BABAM2: variants seen among roughly 807,000 people sequenced by gnomAD.
BABAM2 encodes BRISC and BRCA1 A complex member 2.
A neutral mutation model predicts 54.7 loss-of-function variants in BABAM2; 31 were observed. The observed-to-expected ratio is 0.57, with a 90% CI of 0.43 to 0.77. The LOEUF (loss-of-function observed/expected upper bound fraction) is 0.77, where lower values mean the gene tolerates loss of function less well. Ranked by LOEUF, BABAM2 falls within the 30% of genes least tolerant of loss-of-function variation. The pLI is 0.00. For synonymous variants in BABAM2, 167 were observed against 162.9 expected, an observed-to-expected ratio of 1.03 and a Z score of -0.19; for missense variants, 364 against 455.8, an observed-to-expected ratio of 0.80 and a Z score of 1.83.
intron 6 of BABAM2, among the ~76,000 whole-genome samples, chr2:28,081,840 C>T (rs889882678): frequency 1.3e-5 from 2 of 152,056 alleles, no homozygotes; most frequent in African/African-American, 2.4e-5. Context: ...GGACATGATA[C>T]GGATAACAAA....
intron 7 of BABAM2, among the ~76,000 whole-genome samples, chr2:28,171,732 A>G (rs1674347884): frequency 6.6e-6 from 1 of 152,120 alleles, no homozygotes; most frequent in African/African-American, 2.4e-5. Context: ...CCAACTCTAT[A>G]TTAATTAATA....
chr2:28,314,275 C>T (rs1006456599), intron 11 of BABAM2, among the ~76,000 whole-genome samples: 2 of 152,152 alleles, frequency 1.3e-5, no homozygotes, highest in East Asian at 1.9e-4. Context: ...ACCTATTTTA[C>T]GGGTTATGAA....
At chr2:28,034,590 G>A (rs1390626075) in intron 5 of BABAM2, among the ~76,000 whole-genome samples, 5 of 152,146 alleles carry the variant, frequency 3.3e-5, no homozygotes, top group South Asian at 2.1e-4. Flanking sequence ...CAGATAAAGT[G>A]TAGAGAGCAA....
intron 10 of BABAM2, among the ~76,000 whole-genome samples, chr2:28,250,065 GAGATGCTGTGAGGAAGATGAGGA>G (rs528217142): frequency 3.3e-5 from 5 of 152,314 alleles, no homozygotes; most frequent in Admixed American, 2.0e-4. Flanking sequence ...GAATAAGAAG[GAGATGCTGTGAGGAAGATGAGGA>G]AGATGCTGTG....
intron 3 of BABAM2, among the ~76,000 whole-genome samples, chr2:27,964,804 T>C (rs1670721816): frequency 6.6e-6 from 1 of 152,220 alleles, no homozygotes; most frequent in Non-Finnish European, 1.5e-5. Flanking sequence ...TTCTCTGTTC[T>C]CAGTTCTGGA....
intron 7 of BABAM2, among the ~76,000 whole-genome samples, chr2:28,132,740 AC>A (rs1670197950): frequency 6.6e-6 from 1 of 152,134 alleles, no homozygotes; most frequent in Non-Finnish European, 1.5e-5. Context: ...TCTTTGTAAC[AC>A]TGAATTTATA....
chr2:28,329,589 G>A lies in BABAM2; in HGVS notation c.1089-8861G>A, dbSNP rs1283845560. On this transcript the variant is annotated intron_variant, in intron 11 of 11. Transcript: ENST00000379624. This position sits in a 1 kb window ranked among gnomAD's most constrained non-coding sequence, Gnocchi z 4.2. ...ATAAGCTAGAAAATCTAGATGAAATGGATAAATTCCTGGACACATACACCC... is the reference window on the plus strand; with the variant it reads ...ATAAGCTAGAAAATCTAGATGAAATAGATAAATTCCTGGACACATACACCC... Among the ~76,000 whole-genome samples, 1 of 152,138 alleles carries A rather than the reference G, an allele frequency of 6.6e-6. No homozygotes were observed. The highest frequency in any genetic ancestry group is 1.5e-5 in the Non-Finnish European group (1 of 68,034).
intron 3 of BABAM2, among the ~76,000 whole-genome samples, chr2:27,947,313 AT>A (rs1176091979): frequency 2.6e-5 from 4 of 151,508 alleles, no homozygotes; most frequent in East Asian, 1.9e-4. Flanking sequence ...TCATTGTTTG[AT>A]TTTTTTCCCC....
chr2:28,011,330 G>C (rs2148532273), intron 4 of BABAM2, among the ~76,000 whole-genome samples: 1 of 152,258 alleles, frequency 6.6e-6, no homozygotes, highest in Middle Eastern at 3.4e-3. Context: ...TCCTTCAGTT[G>C]AGTGTCTATT....
At chr2:28,173,450 G>A (rs1674578786) in intron 7 of BABAM2, among the ~76,000 whole-genome samples, 1 of 152,186 alleles carries the variant, frequency 6.6e-6, no homozygotes, top group East Asian at 1.9e-4. Flanking sequence ...GAGAGAGAAG[G>A]GAGAGAATTT....
At chr2:27,939,406 A>G (rs1013999230) in intron 3 of BABAM2, among the ~76,000 whole-genome samples, 2 of 152,196 alleles carry the variant, frequency 1.3e-5, no homozygotes, top group African/African-American at 4.8e-5. Context: ...CACAGTAAAG[A>G]TATTCAATTA....
intron 10 of BABAM2, among the ~76,000 whole-genome samples, chr2:28,277,974 A>T (rs1258772847): frequency 6.6e-6 from 1 of 152,200 alleles, no homozygotes; most frequent in Non-Finnish European, 1.5e-5. Flanking sequence ...TTGGAAGTGC[A>T]ATTAGAAATC....
rs138376856 is a variant in BABAM2, at chr2:27,963,600, C to G, written c.206-24393C>G. On this transcript the variant is annotated intron_variant, in intron 3 of 11. Transcript: ENST00000379624. ...TAGCCAACATGGATTTACATAGAAG[C>G]AAGTTATACCAAACTAGTCTTAACG... 6.3e-3 allele frequency among the ~76,000 whole-genome samples: 960 copies of G among 151,540 alleles called. 7 individuals carry two copies. Among genetic ancestry groups the G allele is most frequent in the Non-Finnish European group, 7.9e-3 (535 of 67,930 alleles).
At chr2:28,174,983 C>T (rs1348184813) in intron 7 of BABAM2, among the ~76,000 whole-genome samples, 1 of 152,144 alleles carries the variant, frequency 6.6e-6, no homozygotes, top group Non-Finnish European at 1.5e-5. Context: ...GGAGATCTGC[C>T]TCAGGACAAA....
At chr2:27,914,265 A>C (rs890665913) in intron 2 of BABAM2, among the ~76,000 whole-genome samples, 5 of 152,168 alleles carry the variant, frequency 3.3e-5, no homozygotes, top group Admixed American at 6.6e-5. Context: ...ATACTGTTAC[A>C]TAGTGCTTTT....
intron 7 of BABAM2, among the ~76,000 whole-genome samples, chr2:28,224,564 G>A (rs1250719615): frequency 6.6e-6 from 1 of 152,118 alleles, no homozygotes; most frequent in African/African-American, 2.4e-5. Context: ...CTTTAGAAGC[G>A]TGCCTGAATG....
intron 4 of BABAM2, 102 bp downstream of exon 4, chr2:27,988,189 T>G (rs1264929173): frequency 1.9e-6 from 2 of 1,062,496 alleles, no homozygotes; most frequent in East Asian, 4.8e-5. Flanking sequence ...CACATCTGCA[T>G]TTTTTTCCCA....
At chr2:27,890,361 C>G (rs1320802592), upstream of BABAM2, 1 of 1,610,660 alleles carries the variant, frequency 6.2e-7, no homozygotes, top group East Asian at 2.2e-5. This position sits in a 1 kb window ranked among gnomAD's most constrained non-coding sequence, Gnocchi z 4.8. Context: ...AAAGGTGCTG[C>G]TGTCCAACCT....
chr2:27,913,134 A>G (rs1666728296), intron 2 of BABAM2, among the ~76,000 whole-genome samples: 1 of 152,218 alleles, frequency 6.6e-6, no homozygotes, highest in African/African-American at 2.4e-5. Context: ...TGTAAAATAT[A>G]AAAATGAATT....
Sources: allele counts gnomAD v4.1 joint callset (sites outside exome capture counted in the v4.1 genomes callset), GRCh38; gene constraint gnomAD v4.1.1; non-coding constraint Gnocchi (gnomAD v3.1); transcripts MANE v1.5; gene names NCBI Gene and HGNC (gene_info 2026-07-23, HGNC 2026-07-21).